The following SEPTIN6 variants were observed in gnomAD, a reference collection of about 807,000 sequenced individuals.
SEPTIN6 encodes the protein septin 6.
A neutral mutation model predicts 33.6 loss-of-function variants in SEPTIN6; 8 were observed. That is an observed-to-expected ratio of 0.24 (90% CI 0.14 to 0.43). The LOEUF is 0.43. Among genes scored for constraint, SEPTIN6 ranks in the 20% least tolerant of loss-of-function variants. The pLI is 1.00. For missense variants in SEPTIN6, 250 were observed against 340.8 expected (o/e 0.73, Z 2.10); for synonymous variants, 131 against 140.0 (o/e 0.94, Z 0.45).
intron 1 of SEPTIN6, among the ~76,000 whole-genome samples, chrX:119,684,980 G>A: frequency 8.9e-6 from 1 of 111,794 alleles, no homozygotes; most frequent in South Asian, 3.7e-4. Flanking sequence ...ACCCCCAAGG[G>A]GCCTCAGAAA....
At chrX:119,620,089 A>G in intron 10 of SEPTIN6, 38 bp from the exon 11 acceptor site, 1 of 1,008,432 alleles carries the variant, frequency 9.9e-7, no homozygotes, top group Non-Finnish European at 1.3e-6. Flanking sequence ...ATGAATGGAT[A>G]GATTAATGTA....
chrX:119,632,351 ACGCC>A (rs1444363168), intron 8 of SEPTIN6, among the ~76,000 whole-genome samples: 2 of 109,165 alleles, frequency 1.8e-5, no homozygotes, highest in Non-Finnish European at 3.8e-5. Context: ...GCCCGCCACC[ACGCC>A]CGGCTAATTT....
intron 1 of SEPTIN6, among the ~76,000 whole-genome samples, chrX:119,687,244 C>T (rs1603352761): frequency 9.7e-6 from 1 of 102,626 alleles, no homozygotes. Context: ...TTTCTTTCAT[C>T]TGTCTTTTTT....
chrX:119,690,978 G>T (rs923479521), intron 1 of SEPTIN6, among the ~76,000 whole-genome samples: 4 of 110,617 alleles, frequency 3.6e-5, no homozygotes, highest in African/African-American at 1.3e-4. Flanking sequence ...GGAGAGTGAC[G>T]TCAGTTTTCC....
At chrX:119,665,409 C>G (rs2054619709) in intron 2 of SEPTIN6, among the ~76,000 whole-genome samples, 1 of 111,911 alleles carries the variant, frequency 8.9e-6, no homozygotes. Context: ...CGGCCCTTAT[C>G]CTTAAATTTT....
At chrX:119,631,910 G>A (rs947819153) in intron 8 of SEPTIN6, among the ~76,000 whole-genome samples, 3 of 106,960 alleles carry the variant, frequency 2.8e-5, no homozygotes, top group Non-Finnish European at 5.8e-5. Context: ...CTACAGGTGC[G>A]TACCACCACA....
rs942176840 is a variant in SEPTIN6, at chrX:119,627,647, A to G, written c.1280+1671T>C. ...AGCAGTTAAATTCTGTTGGCTGCAG[A>G]GAGTAATAACTGAGGCAGGGTGAGG... On this transcript the variant is annotated intron_variant, in intron 9 of 10. Transcript: ENST00000394610. Among the ~76,000 whole-genome samples the G allele has an allele frequency of 3.3e-4, 36 of 110,255 alleles. 1 individual carries two copies. The highest frequency in any genetic ancestry group is 2.6e-3 in the Admixed American group (27 of 10,205).
chrX:119,685,597 A>G (rs763384273), intron 1 of SEPTIN6, among the ~76,000 whole-genome samples: 1 of 111,842 alleles, frequency 8.9e-6, no homozygotes, highest in South Asian at 3.8e-4. Context: ...TCACAGACTG[A>G]TTTAGTGACA....
intron 4 of SEPTIN6, among the ~76,000 whole-genome samples, chrX:119,651,857 A>T (rs997639032): frequency 1.8e-5 from 2 of 111,614 alleles, no homozygotes; most frequent in African/African-American, 6.5e-5. Flanking sequence ...AAAATGAAAA[A>T]CTGCTCCTAT....
intron 5 of SEPTIN6, among the ~76,000 whole-genome samples, chrX:119,647,481 C>CTTTTTTTTT (rs1569428403): frequency 1.8e-5 from 1 of 54,531 alleles, no homozygotes; most frequent in Non-Finnish European, 3.1e-5. Context: ...CTTTCTCTCT[C>CTTTTTTTTT]TCTTTTTTTT....
rs2053685897 is a variant in SEPTIN6 at position 119,617,582 on chromosome X, T to C, written c.*2511A>G. 1.2e-6 allele frequency: 1 copy of C among 801,242 alleles called. No individual in the cohort carries two copies. The highest frequency in any genetic ancestry group is 7.2e-5 in the East Asian group (1 of 13,912). 66.0% of individuals were successfully genotyped at this position (801,242 alleles called of 1,213,427 possible). Reference sequence around the variant, plus strand: ...AGATGTTTTTCTGTGGAAAAAAACCTCGAGGGTCTTCTAATACTAACTAGT... The same window carrying C: ...AGATGTTTTTCTGTGGAAAAAAACCCCGAGGGTCTTCTAATACTAACTAGT... On this transcript the variant is annotated 3_prime_UTR_variant, in exon 11 of 11. Coordinates refer to ENST00000394610, the MANE Select transcript of SEPTIN6 (RefSeq NM_145799.4).
intron 1 of SEPTIN6, among the ~76,000 whole-genome samples, chrX:119,677,328 A>ATTCCAAGG (rs2054857985): frequency 5.3e-5 from 6 of 112,226 alleles, no homozygotes; most frequent in Non-Finnish European, 1.1e-4. Flanking sequence ...AGCCAGGGGG[A>ATTCCAAGG]AGCATAAAAG....
At chrX:119,676,541 G>A (rs1232685001) in intron 1 of SEPTIN6, among the ~76,000 whole-genome samples, 1 of 111,815 alleles carries the variant, frequency 8.9e-6, no homozygotes, top group African/African-American at 3.3e-5. Flanking sequence ...AGGCCAAGGT[G>A]GGTGGATCAC....
At chrX:119,669,452 G>A (rs190555670) in intron 2 of SEPTIN6, among the ~76,000 whole-genome samples, 10 of 112,290 alleles carry the variant, frequency 8.9e-5, no homozygotes, top group Admixed American at 7.6e-4. Flanking sequence ...CAGGAACTCC[G>A]GTTGGCTAAG....
At chrX:119,640,621 T>A (rs1487047793) in intron 6 of SEPTIN6, 71 bp downstream of exon 6, 18 of 863,337 alleles carry the variant, frequency 2.1e-5, no homozygotes. Flanking sequence ...TGTCATATAG[T>A]GGCTGGGGAC....
rs774989496 is a variant in SEPTIN6 at position 119,663,540 on chromosome X, G to A, written c.283C>T (p.Leu95=). ...TYDLQESNVR[L]KLTIVSTVGF... ...ACTGTGCTAACGATCGTGAGCTTTA[G>A]CCTCACGTTGCTCTCTTGGAGGTCA... is the stretch of plus-strand genomic sequence containing the variant. The change falls in exon 3 of 11, where the codon CTA becomes TTA. Residue 95 remains leucine (L), a synonymous_variant. Coordinates refer to ENST00000394610, the MANE Select transcript of SEPTIN6 (RefSeq NM_145799.4). The A allele has an allele frequency of 4.3e-5, 47 of 1,092,204 alleles. No individual in the cohort carries two copies. Among genetic ancestry groups the A allele is most frequent in the Non-Finnish European group, 5.5e-5 (45 of 820,617 alleles). The allele number at this position is 1,092,204 out of a possible 1,213,427, so 90.0% of individuals were successfully genotyped here.
intron 10 of SEPTIN6, among the ~76,000 whole-genome samples, chrX:119,624,427 G>A (rs1381833841): frequency 4.5e-5 from 5 of 110,919 alleles, no homozygotes; most frequent in East Asian, 2.8e-4. Flanking sequence ...CGCCCGCCTC[G>A]GCCTCCCAAA....
chrX:119,620,810 G>C (rs865876972), intron 10 of SEPTIN6, among the ~76,000 whole-genome samples: 3 of 108,905 alleles, frequency 2.8e-5, no homozygotes, highest in Non-Finnish European at 5.7e-5. Context: ...TAGTAGCGAC[G>C]GGGGTTTCAT....
At chrX:119,648,377 G>A (rs766585055) in intron 5 of SEPTIN6, among the ~76,000 whole-genome samples, 17 of 111,390 alleles carry the variant, frequency 1.5e-4, no homozygotes, top group Admixed American at 1.9e-4. Flanking sequence ...GTGACTAGAC[G>A]CTTCCAGACA....
Sources: gnomAD v4.1 joint callset for allele counts (sites outside exome capture counted in the v4.1 genomes callset) on GRCh38, gnomAD v4.1.1 for gene constraint, MANE v1.5 for transcripts, NCBI Gene and HGNC (gene_info 2026-07-23, HGNC 2026-07-21) for gene names.